The following DYNC1H1 variants were observed in gnomAD, a reference collection of about 807,000 sequenced individuals.
The protein encoded by DYNC1H1 is cytoplasmic dynein 1 heavy chain 1.
DYNC1H1 carries 51 observed loss-of-function variants against 527.1 expected under a neutral mutation model. That is an observed-to-expected ratio of 0.10 (90% confidence interval 0.08 to 0.12). DYNC1H1 has a LOEUF of 0.12. Ranked by LOEUF, DYNC1H1 falls within the 10% of genes least tolerant of loss-of-function variation. DYNC1H1 has a pLI of 1.00. For missense variants in DYNC1H1, 2,771 were observed against 5,971.8 expected (o/e 0.46, Z 17.66); for synonymous variants, 2,189 against 2,278.8 (o/e 0.96, Z 1.12).
Position 102,017,365 on chromosome 14 carries a change from A to G in DYNC1H1, c.8056-18A>G. On this transcript the variant is annotated intron_variant, in intron 39 of 77. Coordinates refer to ENST00000360184, the MANE Select transcript of DYNC1H1 (RefSeq NM_001376.5). The surrounding 1 kb of genome is among the most constrained non-coding windows in gnomAD (Gnocchi z 4.6). ...GTTCAAGTTTTGCTCTTAATGTGGT[A>G]CCTGTCCCTTCCTTCAGATGGTGGA... 1.9e-6 allele frequency: 3 copies of G among 1,614,192 alleles called. No homozygotes were observed. The highest frequency in any genetic ancestry group is 2.5e-6 in the Non-Finnish European group (3 of 1,180,030).
In DYNC1H1 at chr14:101,994,641, A is replaced by C. The variant is rs561916642; in HGVS notation, c.3157-32A>C. The C allele has an allele frequency of 2.7e-5, 43 of 1,613,142 alleles. No individual in the cohort carries two copies. The South Asian group carries it at 4.2e-4, about 16-fold the overall frequency. ...CAGTATTCTACAAAATGAAAACTCA[A>C]ACTATTATTTAACTGTGTTCTTCAT... On this transcript the variant is annotated intron_variant, in intron 12 of 77. Transcript: ENST00000360184.
chr14:102,023,304 A>G (rs2048408962), intron 43 of DYNC1H1: 1 of 335,856 alleles, frequency 3.0e-6, no homozygotes, highest in African/African-American at 2.2e-5. Flanking sequence ...TAATCCCAGC[A>G]CTTTGGGAGG....
chr14:101,999,906 G>T lies in DYNC1H1; in HGVS notation c.3805-83G>T, dbSNP rs1051780995. ...TCCGAAACGTCCAGAAGCCCTGCAG[G>T]CTCTGTGCACCATTTTAAAGCCTAA... On this transcript the variant is annotated intron_variant, in intron 16 of 77. Coordinates refer to ENST00000360184, the MANE Select transcript of DYNC1H1 (RefSeq NM_001376.5). 1.8e-5 allele frequency: 28 copies of T among 1,599,316 alleles called. No individual in the cohort carries two copies. The South Asian group carries it at 2.7e-4, about 15-fold the overall frequency.
At chr14:101,998,329 G>A (rs374514531) in intron 16 of DYNC1H1, among the ~76,000 whole-genome samples, 5 of 138,552 alleles carry the variant, frequency 3.6e-5, no homozygotes, top group Admixed American at 7.3e-5. Context: ...GAGCTGATCC[G>A]ATAATACAAA....
chr14:102,028,491 G>A, intron 48 of DYNC1H1: 1 of 355,238 alleles, frequency 2.8e-6, no homozygotes, highest in Non-Finnish European at 5.5e-6. Flanking sequence ...ATCCAGCCTG[G>A]GCAACAGAGC....
chr14:101,975,863 T>G (rs1415747949), intron 2 of DYNC1H1, 64 bp downstream of exon 2: 14 of 1,316,166 alleles, frequency 1.1e-5, no homozygotes, highest in Non-Finnish European at 1.3e-5. Context: ...TATGAATCTT[T>G]TTTCTTTTCA....
At chr14:102,047,635 G>GTATATATATATATATATATATATA (rs1434959122) in intron 72 of DYNC1H1, 182 bp from the exon 73 acceptor site, 1 of 399,124 alleles carries the variant, frequency 2.5e-6, no homozygotes, top group African/African-American at 4.1e-5. Context: ...GTGTGTGTGT[G>GTATATATATATATATATATATATA]TGTGTGTATA....
chr14:102,023,750 G>C (rs979504494), intron 43 of DYNC1H1: 1 of 152,492 alleles, frequency 6.6e-6, no homozygotes, highest in African/African-American at 2.4e-5. Context: ...TCAGGAGTCT[G>C]AGAATCGCTT....
rs1461518490 is a variant in DYNC1H1, at chr14:102,001,696, G to A, written c.4542+15G>A. On this transcript the variant is annotated intron_variant, in intron 21 of 77. Transcript: ENST00000360184. This position sits in a 1 kb window ranked among gnomAD's most constrained non-coding sequence, Gnocchi z 5.0. Reference sequence around the variant, plus strand: ...CGTATTACAAGGTGCTGTTGCTGGGGAAGCTTTCCCTCCCCACCAGTGGTC... The same window carrying A: ...CGTATTACAAGGTGCTGTTGCTGGGAAAGCTTTCCCTCCCCACCAGTGGTC... 1 of 1,613,722 alleles carries A rather than the reference G, an allele frequency of 6.2e-7. No individual in the cohort carries two copies. The highest frequency in any genetic ancestry group is 8.5e-7 in the Non-Finnish European group (1 of 1,180,020).
At position 102,029,734 on chromosome 14, in the gene DYNC1H1, C is replaced by G; in HGVS notation, c.9642+22C>G. The G allele has an allele frequency of 6.2e-7, 1 of 1,614,196 alleles. No individual in the cohort carries two copies. Among genetic ancestry groups the G allele is most frequent in the Non-Finnish European group, 8.5e-7 (1 of 1,180,038 alleles). On this transcript the variant is annotated intron_variant, in intron 49 of 77. Transcript: ENST00000360184. The surrounding 1 kb of genome is among the most constrained non-coding windows in gnomAD (Gnocchi z 5.3). ...CCAGGTGCGTCACAGGCACAAATTC[C>G]TCACGGGAGTGAGCTGCAGTGAGGA...
rs201738402 is a variant in DYNC1H1 at position 102,009,788 on chromosome 14, A to AT, written c.5978-51dup. The AT allele has an allele frequency of 2.1e-3, 3,390 of 1,593,150 alleles. 27 individuals carry two copies. The East Asian group carries it at 0.024, about 11-fold the overall frequency. The stretch of plus-strand genomic sequence containing the variant: ...TTGTTTTAGAGACATTTTAGAATGC[A>AT]TTTTGTTTTTTTTTTTTAACATTTC... On this transcript the variant is annotated intron_variant, in intron 29 of 77. Coordinates refer to ENST00000360184, the MANE Select transcript of DYNC1H1 (RefSeq NM_001376.5).
intron 41 of DYNC1H1, among the ~76,000 whole-genome samples, chr14:102,019,096 C>G (rs546647446): frequency 4.0e-4 from 61 of 152,284 alleles, no homozygotes; most frequent in African/African-American, 1.4e-3. Context: ...TAATCATTAT[C>G]CTATGCATGT....
intron 63 of DYNC1H1, 24 bp downstream of exon 63, chr14:102,040,434 C>T (rs756432840): frequency 3.1e-6 from 5 of 1,614,068 alleles, no homozygotes; most frequent in Non-Finnish European, 4.2e-6. Flanking sequence ...TGAATGTTCC[C>T]AGTAGGTAAA....
Position 102,010,720 on chromosome 14 carries a change from G to A in DYNC1H1, c.6406-20G>A. On this transcript the variant is annotated intron_variant, in intron 31 of 77. Coordinates refer to ENST00000360184, the MANE Select transcript of DYNC1H1 (RefSeq NM_001376.5). This position sits in a 1 kb window ranked among gnomAD's most constrained non-coding sequence, Gnocchi z 6.0. ...CTTGAGCCATGCTGCGCTGCTCACA[G>A]CCCAGCCCTCTCCCCGTAGATTCTG... The A allele has an allele frequency of 6.2e-7, 1 of 1,612,072 alleles. No homozygotes were observed. Among genetic ancestry groups the A allele is most frequent in the Non-Finnish European group, 8.5e-7 (1 of 1,179,832 alleles).
At position 102,027,182 on chromosome 14, in the gene DYNC1H1, G is replaced by A. The variant is rs764724223; in HGVS notation, c.8780G>A (p.Arg2927His). Residue 2927 changes from arginine to histidine, a missense_variant, in exon 45 of 78, where the codon CGT becomes CAT. By Grantham distance (29) the Arg-to-His change is conservative. Coordinates refer to ENST00000360184, the MANE Select transcript of DYNC1H1 (RefSeq NM_001376.5). This position sits in a 1 kb window ranked among gnomAD's most constrained non-coding sequence, Gnocchi z 7.7. Reference sequence around the variant, plus strand: ...TTCTCGTAATGTTTCAGAATATTCCGTCAACCTCAAGGCCACTTGCTTCTG... The same window carrying A: ...TTCTCGTAATGTTTCAGAATATTCCATCAACCTCAAGGCCACTTGCTTCTG... Reference protein sequence around the residue: ...DHVLRIDRIFRQPQGHLLLIG... With the variant: ...DHVLRIDRIFHQPQGHLLLIG... The A allele has an allele frequency of 6.8e-6, 11 of 1,613,904 alleles. No individual in the cohort carries two copies. The highest frequency in any genetic ancestry group is 4.5e-5 in the East Asian group (2 of 44,886).
At chr14:101,969,223 T>C (rs1303965162) in intron 1 of DYNC1H1, 3 of 151,420 alleles carry the variant, frequency 2.0e-5, no homozygotes, top group Non-Finnish European at 2.9e-5. Flanking sequence ...GGTTTCACCG[T>C]GTTAGCCAGG....
rs758458056 is a variant in DYNC1H1 at position 102,054,564 on chromosome 14, CTTTTTTTTTTT to C, written c.*4013_*4023del. On this transcript the variant is annotated 3_prime_UTR_variant, in exon 78 of 78. Transcript: ENST00000360184. ...CATCACCAACAGAGCCTTTGCAGAA[CTTTTTTTTTTT>C]TTTTTTTTTTTGAGACGGAGTCTTG... The C allele has an allele frequency of 8.8e-6, 1 of 113,826 alleles. No homozygotes were observed. 7.1% of individuals were successfully genotyped at this position (113,826 alleles called of 1,614,324 possible).
In DYNC1H1 at chr14:101,964,704, G is replaced by T. The variant is rs867811283; in HGVS notation, c.13G>T (p.Gly5Trp). Residue 5 changes from glycine (G) to tryptophan (W), a missense_variant, in exon 1 of 78, where the codon GGG becomes TGG. Around this residue, in one of 32 missense-constraint regions of DYNC1H1, gnomAD observed 101 missense variants for 105.3 expected, o/e 0.96. Transcript: ENST00000360184. The surrounding 1 kb of genome is among the most constrained non-coding windows in gnomAD (Gnocchi z 5.5). ...CGAGCGCGACACCATGTCGGAGCCC[G>T]GGGGCGGCGGCGGCGAGGACGGCTC... MSEP[G>W]GGGGEDGSAG... 6.3e-7 allele frequency: 1 copy of T among 1,593,146 alleles called. No homozygotes were observed. Among genetic ancestry groups the T allele is most frequent in the Non-Finnish European group, 8.5e-7 (1 of 1,174,642 alleles).
Position 102,040,625 on chromosome 14 carries a change from T to A in DYNC1H1, c.11893T>A (p.Ser3965Thr), listed in dbSNP as rs2152595840. The A allele has an allele frequency of 6.2e-7, 1 of 1,614,184 alleles. No homozygotes were observed. Among genetic ancestry groups the A allele is most frequent in the East Asian group, 2.2e-5 (1 of 44,894 alleles). The part of the protein sequence containing the change: ...EQFGIWLDSS[S>T]PEQTVPYLWS... ...ATTTGGCATCTGGCTGGACAGCAGC[T>A]CCCCGGAGCAGACTGTGCCCTACCT... The change falls in exon 64 of 78, where the codon TCC (serine) becomes ACC (threonine). Residue 3965 changes from serine to threonine, a missense_variant. Ser to Thr is a moderately conservative substitution (Grantham distance 58, BLOSUM62 1). Coordinates refer to ENST00000360184, the MANE Select transcript of DYNC1H1 (RefSeq NM_001376.5).
Sources: gnomAD v4.1 joint callset for allele counts (sites outside exome capture counted in the v4.1 genomes callset) on GRCh38, gnomAD v4.1.1 for gene constraint, gnomAD v4.1.1 regional missense constraint, Gnocchi (gnomAD v3.1) non-coding constraint, MANE v1.5 for transcripts, NCBI Gene and HGNC (gene_info 2026-07-23, HGNC 2026-07-21) for gene names.